STK10: variants seen among roughly 807,000 people sequenced by gnomAD.
STK10 encodes serine/threonine kinase 10.
Under a neutral mutation model 113.8 loss-of-function variants are expected in STK10, and 78 were observed. The ratio of observed to expected loss-of-function variants is 0.69; its 90% CI spans 0.57 to 0.83. STK10 has a LOEUF of 0.83. Ranked by LOEUF, STK10 falls within the 40% of genes least tolerant of loss-of-function variation. The pLI, the probability that STK10 is intolerant of heterozygous loss-of-function variation, is 0.00. For synonymous variants in STK10, 465 were observed against 494.7 expected (o/e 0.94, Z 0.80); for missense variants, 1,109 against 1,280.1 (o/e 0.87, Z 2.04).
At chr5:172,148,903 G>C (rs560440289) in intron 2 of STK10, among the ~76,000 whole-genome samples, 1 of 152,192 alleles carries the variant, frequency 6.6e-6, no homozygotes, top group Non-Finnish European at 1.5e-5. Flanking sequence ...TCTCAATCTC[G>C]AGCCAGGCGT....
chr5:172,142,589 C>T (rs1437492159), intron 2 of STK10, among the ~76,000 whole-genome samples: 1 of 151,238 alleles, frequency 6.6e-6, no homozygotes, highest in East Asian at 1.9e-4. Flanking sequence ...TTATCTCACA[C>T]TCACTATTTG....
At chr5:172,135,207 G>C (rs919746248) in intron 2 of STK10, among the ~76,000 whole-genome samples, 1 of 152,108 alleles carries the variant, frequency 6.6e-6, no homozygotes, top group Non-Finnish European at 1.5e-5. Context: ...ATGCTAGAAT[G>C]CTCAGAATTA....
chr5:172,076,400 A>C, intron 12 of STK10, among the ~76,000 whole-genome samples: 1 of 36,396 alleles, frequency 2.7e-5, no homozygotes. Context: ...CGTCCTGTGC[A>C]TTTGTTGTGG....
chr5:172,103,327 C>T (rs1349553211), intron 7 of STK10, among the ~76,000 whole-genome samples: 1 of 152,392 alleles, frequency 6.6e-6, no homozygotes, highest in South Asian at 2.1e-4. Flanking sequence ...GTGCTTTATT[C>T]ATCTCCAGAG....
intron 18 of STK10, among the ~76,000 whole-genome samples, chr5:172,051,296 C>T (rs917585532): frequency 2.0e-5 from 3 of 152,046 alleles, no homozygotes; most frequent in East Asian, 1.9e-4. Context: ...CCCAGCTAGT[C>T]GGGAAGCTAA....
chr5:172,184,034 C>G (rs1300357303), intron 1 of STK10, among the ~76,000 whole-genome samples: 1 of 152,156 alleles, frequency 6.6e-6, no homozygotes, highest in African/African-American at 2.4e-5. Context: ...ACTTCCAAGG[C>G]CCAGAAAGAC....
intron 18 of STK10, among the ~76,000 whole-genome samples, chr5:172,050,068 G>A (rs1767594837): frequency 6.6e-6 from 1 of 152,218 alleles, no homozygotes; most frequent in South Asian, 2.1e-4. Context: ...CTCCCAAAGT[G>A]CTGGGATTAC....
At chr5:172,163,529 C>A (rs1339158824) in intron 1 of STK10, among the ~76,000 whole-genome samples, 1 of 152,180 alleles carries the variant, frequency 6.6e-6, no homozygotes, top group East Asian at 1.9e-4. Context: ...TTAAGGCCAG[C>A]GTTAGCCTTG....
rs1382555953 is a variant in STK10, at chr5:172,087,635, T to TA, written c.1685+2596_1685+2597insT. ...TATTTACTTATTTATTTTTTTTTTT[T>TA]TTTTGAGACGGAGTCTCGCTCTGTC... On this transcript the variant is annotated intron_variant, in intron 10 of 18. Coordinates refer to ENST00000176763, the MANE Select transcript of STK10 (RefSeq NM_005990.4). 1.5e-3 allele frequency among the ~76,000 whole-genome samples: 153 copies of TA among 101,802 alleles called. 18 individuals are homozygous for TA. Among genetic ancestry groups the TA allele is most frequent in the African/African-American group, 5.4e-3 (110 of 20,410 alleles). The allele number at this position is 101,802 out of a possible 152,430, so 66.8% of individuals were successfully genotyped here.
rs575036099 is a variant in STK10, at chr5:172,163,120, C to T, written c.157-6332G>A. Among the ~76,000 whole-genome samples the T allele has an allele frequency of 5.3e-5, 8 of 152,304 alleles. No individual in the cohort carries two copies. In the South Asian group the frequency reaches 1.4e-3, roughly 28 times the overall value. ...CCTTGAGGCCACAGGAGATGTAATACGGCTGATGATAAAAACAGCTAACAC... is the reference window on the plus strand; with the variant it reads ...CCTTGAGGCCACAGGAGATGTAATATGGCTGATGATAAAAACAGCTAACAC... On this transcript the variant is annotated intron_variant, in intron 1 of 18. Coordinates refer to ENST00000176763, the MANE Select transcript of STK10 (RefSeq NM_005990.4).
intron 18 of STK10, chr5:172,045,313 T>C: frequency 3.6e-6 from 2 of 558,542 alleles, no homozygotes; most frequent in Non-Finnish European, 6.7e-6. Context: ...GCAAATCCCC[T>C]GGCAGGAAAA....
intron 6 of STK10, among the ~76,000 whole-genome samples, chr5:172,105,986 G>A (rs949072554): frequency 6.6e-6 from 1 of 152,228 alleles, no homozygotes. Flanking sequence ...GCAGTGCCGG[G>A]ATTTGAACCC....
intron 14 of STK10, among the ~76,000 whole-genome samples, chr5:172,057,919 G>A (rs1767845269): frequency 6.6e-6 from 1 of 152,168 alleles, no homozygotes; most frequent in Non-Finnish European, 1.5e-5. Context: ...GGGCACCTGG[G>A]AAGAGCTCAG....
intron 2 of STK10, among the ~76,000 whole-genome samples, chr5:172,131,362 T>G (rs758692440): frequency 1.3e-5 from 2 of 152,144 alleles, no homozygotes; most frequent in African/African-American, 2.4e-5. Context: ...AGAGTCAGTA[T>G]GAGAAGTGAC....
chr5:172,084,334 A>G (rs1426917675), intron 10 of STK10, among the ~76,000 whole-genome samples: 1 of 152,134 alleles, frequency 6.6e-6, no homozygotes, highest in African/African-American at 2.4e-5. Context: ...CGGGAGGCGG[A>G]GGTTGCAGTG....
chr5:172,106,077 C>T (rs893334899), intron 6 of STK10, among the ~76,000 whole-genome samples: 1 of 152,114 alleles, frequency 6.6e-6, no homozygotes, highest in Non-Finnish European at 1.5e-5. Flanking sequence ...TGGGAGCCAG[C>T]TTATTTGGGT....
chr5:172,082,962 T>G lies in STK10; in HGVS notation c.1808A>C (p.Asn603Thr), dbSNP rs146527200. 2.5e-3 allele frequency: 4,015 copies of G among 1,613,430 alleles called. 13 individuals carry two copies. Among genetic ancestry groups the G allele is most frequent in the South Asian group, 3.9e-3 (353 of 91,014 alleles). ...QMHKRFEQEI[N>T]AKKKFFDTEL... ...GGTCCCATCTTTTCTCGCACTCACG[T>G]TGATTTCCTGTTCAAAACGTTTATG... The change falls in exon 11 of 19, where the codon AAC (asparagine) becomes ACC (threonine). Residue 603 changes from asparagine (N) to threonine (T), a missense_variant and splice_region_variant. This residue lies in a region of STK10 where 885 missense variants were observed against 991.1 expected (regional missense o/e 0.89). Coordinates refer to ENST00000176763, the MANE Select transcript of STK10 (RefSeq NM_005990.4). This position sits in a 1 kb window ranked among gnomAD's most constrained non-coding sequence, Gnocchi z 4.3.
chr5:172,042,510 T>C lies in STK10; in HGVS notation c.*2372A>G, dbSNP rs1284300812. 5 of 152,526 alleles carry C rather than the reference T, an allele frequency of 3.3e-5. No individual in the cohort carries two copies. The East Asian group carries it at 9.6e-4, about 29-fold the overall frequency. 9.4% of individuals were successfully genotyped at this position (152,526 alleles called of 1,614,324 possible). On this transcript the variant is annotated 3_prime_UTR_variant, in exon 19 of 19. Coordinates refer to ENST00000176763, the MANE Select transcript of STK10 (RefSeq NM_005990.4). ...TGATCACAGACTTTCACCTGAACCATGAAACTGGCATTTCACCTAATACTT... is the reference window on the plus strand; with the variant it reads ...TGATCACAGACTTTCACCTGAACCACGAAACTGGCATTTCACCTAATACTT...
chr5:172,045,956 C>G (rs1767486065), intron 18 of STK10, among the ~76,000 whole-genome samples: 1 of 151,586 alleles, frequency 6.6e-6, no homozygotes, highest in Admixed American at 6.6e-5. Flanking sequence ...TCCCAAAGTG[C>G]TTGGATTACA....
Sources: allele counts gnomAD v4.1 joint callset (sites outside exome capture counted in the v4.1 genomes callset), GRCh38; gene constraint gnomAD v4.1.1; regional missense constraint gnomAD v4.1.1; non-coding constraint Gnocchi (gnomAD v3.1); transcripts MANE v1.5; gene names NCBI Gene and HGNC (gene_info 2026-07-23, HGNC 2026-07-21).